Variants in TGS1 observed in about 807,000 individuals in gnomAD.
The protein encoded by TGS1 is trimethylguanosine synthase 1.
A neutral mutation model predicts 92.2 loss-of-function variants in TGS1; 69 were observed. That is an observed-to-expected ratio of 0.75 (90% CI 0.62 to 0.91). TGS1 has a LOEUF of 0.91. TGS1 is among the 40% of genes least tolerant of loss of function. The probability of loss-of-function intolerance (pLI) is 0.00; values close to 1 mark genes in which losing one functional copy is unlikely to be tolerated. For synonymous variants in TGS1, 345 were observed against 338.1 expected (o/e 1.02, Z -0.22); for missense variants, 1,062 against 1,001.2 (o/e 1.06, Z -0.82).
intron 7 of TGS1, among the ~76,000 whole-genome samples, chr8:55,796,664 G>C (rs1812061109): frequency 6.7e-6 from 1 of 150,078 alleles, no homozygotes; most frequent in South Asian, 2.1e-4. Flanking sequence ...CTTCAACTTG[G>C]GCAACAAGAG....
At position 55,773,591 on chromosome 8, in the gene TGS1, AC is replaced by A; in HGVS notation, c.-27del. The A allele has an allele frequency of 6.3e-7, 1 of 1,584,006 alleles. No individual in the cohort carries two copies. Among genetic ancestry groups the A allele is most frequent in the Non-Finnish European group, 8.6e-7 (1 of 1,162,594 alleles). ...CCGGCAGGCGCGACCCGGGCTGCGT[AC>A]GTCAGAGCTGCCTCCGAAGTGGTAA... On this transcript the variant is annotated 5_prime_UTR_variant, in exon 1 of 13. Transcript: ENST00000260129.
At chr8:55,798,130 T>C (rs778883277) in intron 7 of TGS1, among the ~76,000 whole-genome samples, 5 of 152,226 alleles carry the variant, frequency 3.3e-5, no homozygotes, top group Non-Finnish European at 7.3e-5. Context: ...AAAAAAGATA[T>C]GTAACTGTTG....
intron 6 of TGS1, among the ~76,000 whole-genome samples, chr8:55,793,731 CTAAT>C (rs1218370272): frequency 2.1e-5 from 3 of 143,164 alleles, no homozygotes; most frequent in African/African-American, 5.4e-5. Context: ...CCATGCCCTG[CTAAT>C]TTATTTATTT....
At chr8:55,773,756 A>G (rs1207756985) in intron 1 of TGS1, 37 bp downstream of exon 1, 3 of 1,524,286 alleles carry the variant, frequency 2.0e-6, no homozygotes, top group Non-Finnish European at 2.7e-6. Flanking sequence ...GTTCTAGCAC[A>G]GTCATTACCC....
chr8:55,796,713 G>A lies in TGS1; in HGVS notation c.1542+561G>A, dbSNP rs973575081. ...CAAAAAAAAACACGCAACCTTGGCC[G>A]GGCATGGTGGCTTACACCTGTAATC... is the stretch of plus-strand genomic sequence containing the variant. On this transcript the variant is annotated intron_variant, in intron 7 of 12. Coordinates refer to ENST00000260129, the MANE Select transcript of TGS1 (RefSeq NM_024831.8). Among the ~76,000 whole-genome samples, 15 of 147,294 alleles carry A rather than the reference G, an allele frequency of 1.0e-4. No homozygotes were observed. The East Asian group carries it at 1.2e-3, about 12-fold the overall frequency.
chr8:55,785,708 G>T lies in TGS1; in HGVS notation c.167-11G>T, dbSNP rs540932163. 8 of 1,513,620 alleles carry T rather than the reference G, an allele frequency of 5.3e-6. No individual in the cohort carries two copies. Among genetic ancestry groups the T allele is most frequent in the Admixed American group, 4.5e-5 (2 of 44,514 alleles). 93.8% of individuals were successfully genotyped at this position (1,513,620 alleles called of 1,614,324 possible). A position where few individuals can be genotyped will look rare whatever the true frequency, so the allele number is the denominator to read the frequency against. ...TTTCCTTAAAACTAAGCTAATAAAT[G>T]GTGTCTATAGGAGACCAGGCGACAG... On this transcript the variant is annotated splice_polypyrimidine_tract_variant and intron_variant, in intron 2 of 12. Transcript: ENST00000260129.
At chr8:55,792,570 T>C in intron 5 of TGS1, 128 bp from the exon 6 acceptor site, 1 of 609,656 alleles carries the variant, frequency 1.6e-6, no homozygotes, top group Non-Finnish European at 2.9e-6. Flanking sequence ...TTCCTGGATT[T>C]GTGAACTATG....
chr8:55,822,178 TC>T (rs543869892), intron 12 of TGS1, among the ~76,000 whole-genome samples: 5 of 151,774 alleles, frequency 3.3e-5, no homozygotes, highest in Middle Eastern at 3.4e-3. Flanking sequence ...CACGCCATTC[TC>T]CTGCCTCAGC....
At chr8:55,814,674 A>AAAAATATATAT (rs1254531524) in intron 12 of TGS1, among the ~76,000 whole-genome samples, 1 of 123,332 alleles carries the variant, frequency 8.1e-6, no homozygotes, top group East Asian at 2.4e-4. Context: ...AAAAAAAAAA[A>AAAAATATATAT]ATATATATAT....
At chr8:55,790,005 T>G (rs570403828) in intron 4 of TGS1, 177 bp from the exon 5 acceptor site, 2 of 548,646 alleles carry the variant, frequency 3.6e-6, no homozygotes, top group Non-Finnish European at 6.5e-6. Flanking sequence ...AGTTAAGATT[T>G]TTAAAATGCT....
chr8:55,816,392 A>G (rs1207111934), intron 12 of TGS1, among the ~76,000 whole-genome samples: 1 of 152,206 alleles, frequency 6.6e-6, no homozygotes, highest in African/African-American at 2.4e-5. Context: ...AATCTCTGAC[A>G]TAAGGAGTCT....
At chr8:55,808,470 C>T (rs78010175) in intron 10 of TGS1, among the ~76,000 whole-genome samples, 2,012 of 151,744 alleles carry the variant, frequency 0.013, 39 homozygotes, top group African/African-American at 0.046. Context: ...TTACTCAAAC[C>T]GTCTATATGT....
Position 55,790,303 on chromosome 8 carries a change from A to G in TGS1, c.1280+4A>G. 2 of 1,589,686 alleles carry G rather than the reference A, an allele frequency of 1.3e-6. No homozygotes were observed. The highest frequency in any genetic ancestry group is 1.7e-6 in the Non-Finnish European group (2 of 1,157,896). Reference sequence around the variant, plus strand: ...AGCCAAGCAAACTGAAGAGGAGGTAAGTTACATGAGACCCCTCTCACCAGA... The same window carrying G: ...AGCCAAGCAAACTGAAGAGGAGGTAGGTTACATGAGACCCCTCTCACCAGA... On this transcript the variant is annotated splice_donor_region_variant and intron_variant, in intron 5 of 12. Coordinates refer to ENST00000260129, the MANE Select transcript of TGS1 (RefSeq NM_024831.8).
In TGS1 at chr8:55,786,698, G is replaced by C. The variant is rs573875018; in HGVS notation, c.800G>C (p.Ser267Thr). The C allele has an allele frequency of 1.4e-5, 22 of 1,614,112 alleles. No homozygotes were observed. The African/African-American group carries it at 1.9e-4, about 14-fold the overall frequency. The change falls in exon 4 of 13, where the codon AGC (serine) becomes ACC (threonine). Residue 267 changes from serine (S) to threonine (T), a missense_variant. Ser to Thr is a moderately conservative substitution (Grantham distance 58). Transcript: ENST00000260129. ...GGTTGGACTTTTGATGCCTCGCAAA[G>C]CTGTGATACAGATACTTACACATCT... The part of the protein sequence containing the change: ...AQGWTFDASQ[S>T]CDTDTYTSKT...
At chr8:55,809,316 A>G (rs895918114) in intron 10 of TGS1, among the ~76,000 whole-genome samples, 34 of 152,202 alleles carry the variant, frequency 2.2e-4, no homozygotes, top group Non-Finnish European at 4.9e-4. Flanking sequence ...TAGCAACAGT[A>G]CTGCGTGGTA....
At chr8:55,815,122 A>T (rs1238623892) in intron 12 of TGS1, among the ~76,000 whole-genome samples, 2 of 152,220 alleles carry the variant, frequency 1.3e-5, no homozygotes, top group African/African-American at 4.8e-5. Flanking sequence ...ACTGTTTATC[A>T]TGCAATTTAT....
At chr8:55,810,733 C>G in intron 10 of TGS1, 148 bp from the exon 11 acceptor site, 1 of 633,008 alleles carries the variant, frequency 1.6e-6, no homozygotes, top group South Asian at 2.0e-5. Flanking sequence ...AAACTGAAGT[C>G]TGTATCTCGG....
chr8:55,793,755 TTTA>T (rs1423703366), intron 6 of TGS1, among the ~76,000 whole-genome samples: 1 of 149,988 alleles, frequency 6.7e-6, no homozygotes, highest in African/African-American at 2.4e-5. Context: ...TATTTATTTA[TTTA>T]TTTATTTATT....
intron 4 of TGS1, among the ~76,000 whole-genome samples, chr8:55,789,908 G>A (rs1811824759): frequency 6.6e-6 from 1 of 152,154 alleles, no homozygotes; most frequent in South Asian, 2.1e-4. Context: ...TTAGGTTACA[G>A]TTCACTACAT....
Sources: allele counts gnomAD v4.1 joint callset (sites outside exome capture counted in the v4.1 genomes callset), GRCh38; gene constraint gnomAD v4.1.1; transcripts MANE v1.5; gene names NCBI Gene and HGNC (gene_info 2026-07-23, HGNC 2026-07-21).